Variants in HS3ST4 observed in about 807,000 individuals in gnomAD.
The protein encoded by HS3ST4 is heparan sulfate-glucosamine 3-sulfotransferase 4.
HS3ST4 carries 17 observed loss-of-function variants against 29.2 expected under a neutral mutation model. The observed-to-expected ratio is 0.58, with a 90% confidence interval of 0.40 to 0.87. The LOEUF (loss-of-function observed/expected upper bound fraction) is 0.87. Ranked by LOEUF, HS3ST4 falls within the 40% of genes least tolerant of loss-of-function variation. The pLI is 0.00. For missense variants in HS3ST4, 627 were observed against 634.5 expected (o/e 0.99, Z 0.13); for synonymous variants, 314 against 285.7 (o/e 1.10, Z -1.00).
chr16:26,071,228 A>G (rs181836555), intron 1 of HS3ST4, among the ~76,000 whole-genome samples: 5 of 152,320 alleles, frequency 3.3e-5, no homozygotes, highest in African/African-American at 1.2e-4. Context: ...AACAGAACCC[A>G]CTATGAAAAC....
At chr16:25,941,237 C>T (rs1263499388) in intron 1 of HS3ST4, among the ~76,000 whole-genome samples, 1 of 152,156 alleles carries the variant, frequency 6.6e-6, no homozygotes, top group East Asian at 1.9e-4. Context: ...GTGATCTCAG[C>T]TTACCACAAC....
At chr16:26,116,567 A>G (rs1313592778) in intron 1 of HS3ST4, among the ~76,000 whole-genome samples, 1 of 149,990 alleles carries the variant, frequency 6.7e-6, no homozygotes, top group Non-Finnish European at 1.5e-5. Flanking sequence ...AATTTAAAGA[A>G]AAATATTGAG....
At chr16:26,046,219 C>T (rs1050602639) in intron 1 of HS3ST4, among the ~76,000 whole-genome samples, 7 of 146,956 alleles carry the variant, frequency 4.8e-5, no homozygotes, top group East Asian at 2.0e-4. Flanking sequence ...GGCGTGATCT[C>T]GGCTCACTGC....
intron 1 of HS3ST4, among the ~76,000 whole-genome samples, chr16:25,822,983 C>T (rs1967177469): frequency 6.6e-6 from 1 of 152,084 alleles, no homozygotes; most frequent in Admixed American, 6.6e-5. Context: ...AGTGATCTGC[C>T]CTCCTTTGCC....
At chr16:25,886,417 G>A (rs896422763) in intron 1 of HS3ST4, among the ~76,000 whole-genome samples, 11 of 152,172 alleles carry the variant, frequency 7.2e-5, no homozygotes, top group East Asian at 1.9e-4. Flanking sequence ...TAATGGTGGT[G>A]CTTGTCCTGA....
chr16:26,137,590 A>G lies in HS3ST4; in HGVS notation c.*1342A>G, dbSNP rs577671836. ...TGTTCTAGTAAAACTGGAAATTTGT[A>G]TGAGTGGGGGGAGTTAAATCTGTTC... On this transcript the variant is annotated 3_prime_UTR_variant, in exon 2 of 2. Coordinates refer to ENST00000331351, the MANE Select transcript of HS3ST4 (RefSeq NM_006040.3). 2 of 152,300 alleles carry G rather than the reference A, an allele frequency of 1.3e-5. No individual in the cohort carries two copies. Among genetic ancestry groups the G allele is most frequent in the South Asian group, 4.1e-4 (2 of 4,832 alleles). The allele number at this position is 152,300 out of a possible 1,614,324, so 9.4% of individuals were successfully genotyped here. A position where few individuals can be genotyped will look rare whatever the true frequency, so the allele number is the denominator to read the frequency against.
At chr16:25,968,188 G>A (rs1475603553) in intron 1 of HS3ST4, among the ~76,000 whole-genome samples, 2 of 152,140 alleles carry the variant, frequency 1.3e-5, no homozygotes, top group African/African-American at 4.8e-5. Context: ...GGGCGGAAGC[G>A]GATGGAGCCC....
intron 1 of HS3ST4, among the ~76,000 whole-genome samples, chr16:25,846,591 T>C (rs1231796079): frequency 6.6e-6 from 1 of 152,032 alleles, no homozygotes; most frequent in African/African-American, 2.4e-5. Flanking sequence ...TATCTTAAGT[T>C]TGTAGTATCT....
At chr16:25,932,657 G>A (rs1411743340) in intron 1 of HS3ST4, among the ~76,000 whole-genome samples, 3 of 152,202 alleles carry the variant, frequency 2.0e-5, no homozygotes, top group Non-Finnish European at 4.4e-5. Flanking sequence ...CTCACTGCAA[G>A]CCAGACACTG....
At position 25,718,920 on chromosome 16, in the gene HS3ST4, A is replaced by G. The variant is rs76773007; in HGVS notation, c.734+25769A>G. On this transcript the variant is annotated intron_variant, in intron 1 of 1. Transcript: ENST00000331351. ...GACTTTGAAATTGGAGAATATAGAA[A>G]GATGAGCTTGTAAAGGATGCAAAGA... Among the ~76,000 whole-genome samples, 1,100 of 152,326 alleles carry G rather than the reference A, an allele frequency of 7.2e-3. 18 individuals are homozygous for G. The highest frequency in any genetic ancestry group is 0.025 in the African/African-American group (1,056 of 41,566).
intron 1 of HS3ST4, among the ~76,000 whole-genome samples, chr16:25,938,749 T>C (rs796315587): frequency 7.9e-5 from 12 of 152,210 alleles, no homozygotes; most frequent in African/African-American, 2.7e-4. Flanking sequence ...CCCCTTTTAC[T>C]GCAGGCTCAG....
chr16:26,009,889 T>G (rs1158752848), intron 1 of HS3ST4, among the ~76,000 whole-genome samples: 1 of 152,192 alleles, frequency 6.6e-6, no homozygotes, highest in Non-Finnish European at 1.5e-5. Flanking sequence ...AAGACCTGAA[T>G]GAACTGCAGT....
chr16:25,944,500 A>T (rs111504913), intron 1 of HS3ST4, among the ~76,000 whole-genome samples: 2,244 of 152,362 alleles, frequency 0.015, 52 homozygotes, highest in African/African-American at 0.051. Flanking sequence ...CACAATTTTA[A>T]TGTTTGTTAA....
intron 1 of HS3ST4, among the ~76,000 whole-genome samples, chr16:25,782,199 A>G (rs147277220): frequency 5.7e-4 from 87 of 152,326 alleles, no homozygotes; most frequent in African/African-American, 1.9e-3. Context: ...CAAGAACAGC[A>G]TGGGAAACCG....
At chr16:26,012,751 G>A (rs1282475829) in intron 1 of HS3ST4, among the ~76,000 whole-genome samples, 2 of 152,140 alleles carry the variant, frequency 1.3e-5, no homozygotes, top group Non-Finnish European at 2.9e-5. Context: ...AACTTGGCAG[G>A]TGTTTGATAA....
intron 1 of HS3ST4, among the ~76,000 whole-genome samples, chr16:26,060,792 G>T (rs910677170): frequency 6.6e-6 from 1 of 152,158 alleles, no homozygotes; most frequent in Non-Finnish European, 1.5e-5. Context: ...AACAGCAGGA[G>T]AATTTCAAGT....
chr16:25,913,107 C>A (rs1968256525), intron 1 of HS3ST4, among the ~76,000 whole-genome samples: 1 of 152,152 alleles, frequency 6.6e-6, no homozygotes, highest in African/African-American at 2.4e-5. Flanking sequence ...GCGAATGGAG[C>A]CTTGGGATCC....
chr16:25,999,844 TTATATATATTA>T (rs1485298967), intron 1 of HS3ST4, among the ~76,000 whole-genome samples: 185 of 133,140 alleles, frequency 1.4e-3, no homozygotes, highest in African/African-American at 4.7e-3. Context: ...TATATATATT[TTATATATATTA>T]TATATATATT....
At chr16:26,116,340 A>G (rs1176743625) in intron 1 of HS3ST4, among the ~76,000 whole-genome samples, 1 of 152,228 alleles carries the variant, frequency 6.6e-6, no homozygotes, top group Non-Finnish European at 1.5e-5. Context: ...AAGTGGTGCA[A>G]TTACGTTGTA....
Sources: gnomAD v4.1 joint callset for allele counts (sites outside exome capture counted in the v4.1 genomes callset) on GRCh38, gnomAD v4.1.1 for gene constraint, MANE v1.5 for transcripts, NCBI Gene and HGNC (gene_info 2026-07-23, HGNC 2026-07-21) for gene names.